The following ARHGEF10 variants were observed in gnomAD, a reference collection of about 807,000 sequenced individuals.
ARHGEF10 encodes Rho guanine nucleotide exchange factor (GEF) 10.
A neutral mutation model predicts 147.4 loss-of-function variants in ARHGEF10; 140 were observed. The ratio of observed to expected loss-of-function variants is 0.95; its 90% CI spans 0.83 to 1.09. The LOEUF (loss-of-function observed/expected upper bound fraction) is 1.09. Ranked by LOEUF, ARHGEF10 falls within the 50% of genes least tolerant of loss-of-function variation. The pLI is 0.00. For missense variants in ARHGEF10, 2,222 were observed against 1,752.7 expected (o/e 1.27, Z -4.78); for synonymous variants, 902 against 695.8 (o/e 1.30, Z -4.67).
intron 5 of ARHGEF10, among the ~76,000 whole-genome samples, chr8:1,865,743 T>C (rs1309143564): frequency 6.6e-6 from 1 of 152,154 alleles, no homozygotes; most frequent in Admixed American, 6.5e-5. Context: ...ACCCTTCCCA[T>C]AGGAACATTT....
chr8:1,945,873 A>AAGGAGCCACGTGCTGGG (rs1814540008), intron 27 of ARHGEF10: 9 of 612,272 alleles, frequency 1.5e-5, no homozygotes, highest in Admixed American at 5.9e-5. Context: ...ACAGGTCCTG[A>AAGGAGCCACGTGCTGGG]AGGAGCCGCG....
intron 11 of ARHGEF10, among the ~76,000 whole-genome samples, chr8:1,888,611 T>TAA (rs1809019220): frequency 1.6e-5 from 2 of 125,658 alleles, no homozygotes; most frequent in African/African-American, 7.1e-5. Flanking sequence ...CTGAGTGTGG[T>TAA]GAGGTTTGTG....
At chr8:1,907,940 T>C (rs1237804794) in intron 17 of ARHGEF10, among the ~76,000 whole-genome samples, 1 of 152,216 alleles carries the variant, frequency 6.6e-6, no homozygotes, top group Non-Finnish European at 1.5e-5. Flanking sequence ...GATTTTTACA[T>C]TCAAAGAGGA....
At chr8:1,830,614 T>G (rs528226774) in intron 1 of ARHGEF10, among the ~76,000 whole-genome samples, 1 of 152,234 alleles carries the variant, frequency 6.6e-6, no homozygotes, top group African/African-American at 2.4e-5. Flanking sequence ...TGCTAAGTAC[T>G]AAGTGCTCTC....
rs1386631173 is a variant in ARHGEF10 at position 1,839,732 on chromosome 8, T to C, written c.-47-3621T>C. Among the ~76,000 whole-genome samples the C allele has an allele frequency of 1.4e-5, 2 of 145,050 alleles. 1 individual carries two copies. The highest frequency in any genetic ancestry group is 8.1e-3 in the Middle Eastern group (2 of 248). On this transcript the variant is annotated intron_variant, in intron 1 of 28. Transcript: ENST00000349830. ...TGTCTGGTGTGGGGACTGTCCGGTG[T>C]GGAAGCTGTCTGGTGTGGAAGCTGT...
intron 2 of ARHGEF10, among the ~76,000 whole-genome samples, chr8:1,855,494 A>C (rs1805480655): frequency 6.6e-6 from 1 of 151,506 alleles, no homozygotes; most frequent in South Asian, 2.1e-4. Context: ...TGATCCTCCC[A>C]CCTCAGCCTT....
In ARHGEF10 at chr8:1,876,560, T is replaced by C. The variant is rs990017399; in HGVS notation, c.680-11T>C. The C allele has an allele frequency of 6.2e-7, 1 of 1,613,884 alleles. No individual in the cohort carries two copies. The highest frequency in any genetic ancestry group is 8.5e-7 in the Non-Finnish European group (1 of 1,179,702). ...AAAGTTTTAATTTCATTTTGGAATT[T>C]ATGCACTCAGATGAAATGATTTATG... On this transcript the variant is annotated splice_polypyrimidine_tract_variant and intron_variant, in intron 7 of 28. Transcript: ENST00000349830.
At chr8:1,868,917 G>C (rs1563203295) in intron 6 of ARHGEF10, among the ~76,000 whole-genome samples, 1 of 152,136 alleles carries the variant, frequency 6.6e-6, no homozygotes, top group Non-Finnish European at 1.5e-5. Flanking sequence ...ACATTTTACA[G>C]CTGGTCCATT....
intron 28 of ARHGEF10, among the ~76,000 whole-genome samples, chr8:1,953,577 A>G (rs1011365633): frequency 1.3e-5 from 2 of 152,252 alleles, no homozygotes; most frequent in Admixed American, 1.3e-4. Context: ...CCCAGGAAAC[A>G]GCCTAAGCTA....
chr8:1,898,417 G>T lies in ARHGEF10; in HGVS notation c.1558-16G>T, dbSNP rs567092022. ...GCAGCCCTGCAGGGAGGTGACCCCG[G>T]TGCCTTCCCCCACAGCAGGAACAGG... On this transcript the variant is annotated splice_polypyrimidine_tract_variant and intron_variant, in intron 14 of 28. Coordinates refer to ENST00000349830, the MANE Select transcript of ARHGEF10 (RefSeq NM_014629.4). 2 of 1,613,198 alleles carry T rather than the reference G, an allele frequency of 1.2e-6. No homozygotes were observed. Among genetic ancestry groups the T allele is most frequent in the African/African-American group, 2.7e-5 (2 of 75,020 alleles).
intron 15 of ARHGEF10, among the ~76,000 whole-genome samples, 176 bp downstream of exon 15, chr8:1,898,701 C>T (rs1226010765): frequency 2.0e-5 from 3 of 152,256 alleles, no homozygotes; most frequent in African/African-American, 4.8e-5. Flanking sequence ...GGAGAGTCAC[C>T]CTACGCCGGG....
intron 11 of ARHGEF10, 149 bp downstream of exon 11, chr8:1,885,856 C>A: frequency 1.4e-6 from 1 of 717,938 alleles, no homozygotes; most frequent in Admixed American, 2.0e-5. Flanking sequence ...TGGCCCAGCA[C>A]TTAGAGGCTT....
intron 23 of ARHGEF10, among the ~76,000 whole-genome samples, chr8:1,927,851 G>A (rs1043232197): frequency 6.6e-6 from 1 of 152,180 alleles, no homozygotes; most frequent in African/African-American, 2.4e-5. Flanking sequence ...TGAGGTGGCA[G>A]AATCGCTTGA....
chr8:1,915,417 G>A (rs938979490), intron 18 of ARHGEF10, among the ~76,000 whole-genome samples: 1 of 152,236 alleles, frequency 6.6e-6, no homozygotes, highest in African/African-American at 2.4e-5. Context: ...GCCCATTAAG[G>A]AAGCCCAGAG....
rs1284583196 is a variant in ARHGEF10, at chr8:1,937,503, T to G, written c.3222+3561T>G. Among the ~76,000 whole-genome samples the G allele has an allele frequency of 6.6e-6, 1 of 152,240 alleles. No individual in the cohort carries two copies. Among genetic ancestry groups the G allele is most frequent in the Non-Finnish European group, 1.5e-5 (1 of 68,036 alleles). On this transcript the variant is annotated intron_variant, in intron 26 of 28. Coordinates refer to ENST00000349830, the MANE Select transcript of ARHGEF10 (RefSeq NM_014629.4). The surrounding 1 kb of genome is among the most constrained non-coding windows in gnomAD (Gnocchi z 4.9). ...TTTATATGCTGTAAATCTCGAAGAC[T>G]CAGAGAGAAGCAATGTGTTTGGATC...
Position 1,888,765 on chromosome 8 carries a change from G to A in ARHGEF10, c.1182+3058G>A, listed in dbSNP as rs1258427357. 3.6e-4 allele frequency among the ~76,000 whole-genome samples: 30 copies of A among 82,558 alleles called. 5 individuals carry two copies. The highest frequency in any genetic ancestry group is 1.7e-3 in the East Asian group (2 of 1,192). 54.2% of individuals were successfully genotyped at this position (82,558 alleles called of 152,430 possible). On this transcript the variant is annotated intron_variant, in intron 11 of 28. Coordinates refer to ENST00000349830, the MANE Select transcript of ARHGEF10 (RefSeq NM_014629.4). Reference sequence around the variant, plus strand: ...GGAGACACTGAATAGGGTGAGGTTTGTGAGGAGACACTGAGTGGGGTGAGT... The same window carrying A: ...GGAGACACTGAATAGGGTGAGGTTTATGAGGAGACACTGAGTGGGGTGAGT...
intron 2 of ARHGEF10, among the ~76,000 whole-genome samples, chr8:1,850,178 C>T (rs1427949213): frequency 7.1e-6 from 1 of 141,130 alleles, no homozygotes; most frequent in Non-Finnish European, 1.6e-5. Context: ...AGGGCAAATG[C>T]TGAGGAGGGC....
At chr8:1,829,031 G>T (rs913968043) in intron 1 of ARHGEF10, among the ~76,000 whole-genome samples, 2 of 152,238 alleles carry the variant, frequency 1.3e-5, no homozygotes, top group Non-Finnish European at 2.9e-5. Context: ...GGACACGGAC[G>T]GGGAGTCCTC....
At chr8:1,919,558 T>C (rs557117392) in intron 18 of ARHGEF10, among the ~76,000 whole-genome samples, 1 of 148,542 alleles carries the variant, frequency 6.7e-6, no homozygotes, top group Non-Finnish European at 1.5e-5. Context: ...GGAGCTGTTC[T>C]ATGGGTGATG....
Sources: allele counts gnomAD v4.1 joint callset (sites outside exome capture counted in the v4.1 genomes callset), GRCh38; gene constraint gnomAD v4.1.1; non-coding constraint Gnocchi (gnomAD v3.1); transcripts MANE v1.5; gene names NCBI Gene and HGNC (gene_info 2026-07-23, HGNC 2026-07-21).